GTF2H4: variants seen among roughly 807,000 people sequenced by gnomAD.
The protein encoded by GTF2H4 is general transcription factor IIH subunit 4, also known as BTF2 p52.
In GTF2H4, 49 loss-of-function variants were observed where a neutral mutation model predicts 62.2. That is an observed-to-expected ratio of 0.79 (90% confidence interval 0.63 to 1.00). GTF2H4 has a LOEUF of 1.00. Ranked by LOEUF, GTF2H4 falls within the 50% of genes least tolerant of loss-of-function variation. The pLI is 0.00. For missense variants in GTF2H4, 479 were observed against 587.8 expected (o/e 0.81, Z 1.91); for synonymous variants, 189 against 233.8 (o/e 0.81, Z 1.75).
In GTF2H4 at chr6:30,909,885, CT is replaced by C; in HGVS notation, c.243-42del. 6.4e-7 allele frequency: 1 copy of C among 1,573,976 alleles called. No homozygotes were observed. The highest frequency in any genetic ancestry group is 8.6e-7 in the Non-Finnish European group (1 of 1,161,652). ...AGAGATGGTGGCTTTTATGGGCCTC[CT>C]TTTTGTTTTCCAAATACCCTACTCA... On this transcript the variant is annotated intron_variant, in intron 3 of 13. Coordinates refer to ENST00000259895, the MANE Select transcript of GTF2H4 (RefSeq NM_001517.5). This position sits in a 1 kb window ranked among gnomAD's most constrained non-coding sequence, Gnocchi z 4.3.
In GTF2H4 at chr6:30,911,963, T is replaced by G. The variant is rs768454738; in HGVS notation, c.826-51T>G. 4.9e-5 allele frequency: 79 copies of G among 1,601,534 alleles called. 1 individual carries two copies. In the South Asian group the frequency reaches 8.0e-4, roughly 16 times the overall value. The stretch of plus-strand genomic sequence containing the variant: ...GGATCTGATATTTCAGGCAGGAAGA[T>G]GTAAGGCAGTGACTTCTGAGACAAG... On this transcript the variant is annotated intron_variant, in intron 9 of 13. Transcript: ENST00000259895. This position sits in a 1 kb window ranked among gnomAD's most constrained non-coding sequence, Gnocchi z 4.3.
Position 30,914,020 on chromosome 6 carries a change from A to ACTGGG in GTF2H4, c.*39_*43dup. On this transcript the variant is annotated 3_prime_UTR_variant, in exon 14 of 14. Transcript: ENST00000259895. ...TTGGACACGGACCTCGGCGGGCGGG[A>ACTGGG]CTGGGCGGGGCGGGGCATCAGAACT... 6.9e-7 allele frequency: 1 copy of ACTGGG among 1,444,560 alleles called. No individual in the cohort carries two copies. Among genetic ancestry groups the ACTGGG allele is most frequent in the Non-Finnish European group, 9.5e-7 (1 of 1,050,812 alleles). The allele number at this position is 1,444,560 out of a possible 1,614,324, so 89.5% of individuals were successfully genotyped here. A position where few individuals can be genotyped will look rare whatever the true frequency, so the allele number is the denominator to read the frequency against.
chr6:30,911,760 A>C lies in GTF2H4; in HGVS notation c.818A>C (p.Gln273Pro), dbSNP rs1191931841. The change falls in exon 9 of 14, where the codon CAG (glutamine) becomes CCG (proline). Residue 273 changes from glutamine to proline, a missense_variant. By Grantham distance (76) the Gln-to-Pro change is moderately conservative. Transcript: ENST00000259895. The surrounding 1 kb of genome is among the most constrained non-coding windows in gnomAD (Gnocchi z 4.3). ...QHLREFGLVF[Q>P]RKRKSRRYYP... ...CTGCGTGAGTTTGGGCTTGTTTTCCAGAGGAAGGTATGAGCGCCTAGATAA... is the reference window on the plus strand; with the variant it reads ...CTGCGTGAGTTTGGGCTTGTTTTCCCGAGGAAGGTATGAGCGCCTAGATAA... The C allele has an allele frequency of 6.2e-7, 1 of 1,612,534 alleles. No individual in the cohort carries two copies. Among genetic ancestry groups the C allele is most frequent in the Non-Finnish European group, 8.5e-7 (1 of 1,179,552 alleles).
chr6:30,912,281 C>A lies in GTF2H4; in HGVS notation c.959-47C>A. The A allele has an allele frequency of 6.2e-7, 1 of 1,609,374 alleles. No individual in the cohort carries two copies. The highest frequency in any genetic ancestry group is 1.1e-5 in the South Asian group (1 of 90,734). On this transcript the variant is annotated intron_variant, in intron 10 of 13. Transcript: ENST00000259895. The surrounding 1 kb of genome is among the most constrained non-coding windows in gnomAD (Gnocchi z 4.8). ...ACTTGAAAGAAGGGCTTGAGGGAGT[C>A]TGGGTGTGGGGGTGGCCTCCTCATC...
chr6:30,912,066 G>T lies in GTF2H4; in HGVS notation c.878G>T (p.Gly293Val). 1 of 1,613,000 alleles carries T rather than the reference G, an allele frequency of 6.2e-7. No individual in the cohort carries two copies. The highest frequency in any genetic ancestry group is 8.5e-7 in the Non-Finnish European group (1 of 1,180,004). The change falls in exon 10 of 14, where the codon GGT becomes GTT. Residue 293 changes from glycine (G) to valine (V), a missense_variant. Gly to Val is a moderately radical substitution (Grantham distance 109, BLOSUM62 -3). Transcript: ENST00000259895. The surrounding 1 kb of genome is among the most constrained non-coding windows in gnomAD (Gnocchi z 4.8). ...CGCCTGGCCATCAATCTCTCATCAG[G>T]TGTCTCTGGAGCTGGGGGCACTGTG... ...PTRLAINLSS[G>V]VSGAGGTVHQ...
At chr6:30,908,643 C>G (rs1380093716) in intron 1 of GTF2H4, among the ~76,000 whole-genome samples, 2 of 152,062 alleles carry the variant, frequency 1.3e-5, no homozygotes, top group Non-Finnish European at 2.9e-5. Context: ...ATAGGAAGGA[C>G]GGGCAGATTT....
chr6:30,913,346 G>A lies in GTF2H4; in HGVS notation c.1175G>A (p.Arg392Gln). 1.9e-6 allele frequency: 3 copies of A among 1,613,302 alleles called. No individual in the cohort carries two copies. Among genetic ancestry groups the A allele is most frequent in the Non-Finnish European group, 8.5e-7 (1 of 1,180,024 alleles). The change falls in exon 13 of 14, where the codon CGG becomes CAG. Residue 392 changes from arginine to glutamine, a missense_variant. Physicochemically the swap from Arg to Gln is conservative, Grantham distance 43 (BLOSUM62 1). Transcript: ENST00000259895. The surrounding 1 kb of genome is among the most constrained non-coding windows in gnomAD (Gnocchi z 4.2). The stretch of plus-strand genomic sequence containing the variant: ...CCCCCCACCATCACCGACCAGATCC[G>A]GCTCTGGGAGCTGGAAAGGGACAGA... Reference protein sequence around the residue: ...VLPPTITDQIRLWELERDRLR... With the variant: ...VLPPTITDQIQLWELERDRLR...
At position 30,914,027 on chromosome 6, in the gene GTF2H4, G is replaced by A. The variant is rs1227239841; in HGVS notation, c.*44G>A. The A allele has an allele frequency of 5.4e-6, 8 of 1,482,278 alleles. No homozygotes were observed. Among genetic ancestry groups the A allele is most frequent in the Non-Finnish European group, 6.4e-6 (7 of 1,093,638 alleles). 91.8% of individuals were successfully genotyped at this position (1,482,278 alleles called of 1,614,324 possible). A position where few individuals can be genotyped will look rare whatever the true frequency, so the allele number is the denominator to read the frequency against. ...CGGACCTCGGCGGGCGGGACTGGGC[G>A]GGGCGGGGCATCAGAACTCAGGTGT... On this transcript the variant is annotated 3_prime_UTR_variant, in exon 14 of 14. Transcript: ENST00000259895.
chr6:30,912,025 G>A lies in GTF2H4; in HGVS notation c.837G>A (p.Arg279=). 5.6e-6 allele frequency: 9 copies of A among 1,612,874 alleles called. No homozygotes were observed. The highest frequency in any genetic ancestry group is 7.6e-6 in the Non-Finnish European group (9 of 1,179,978). Reference sequence around the variant, plus strand: ...TCTATTCTTTTCAGAGGAAATCTCGGCGTTACTACCCCACACGCCTGGCCA... The same window carrying A: ...TCTATTCTTTTCAGAGGAAATCTCGACGTTACTACCCCACACGCCTGGCCA... ...GLVFQRKRKS[R]RYYPTRLAIN... Residue 279 remains arginine, a synonymous_variant, in exon 10 of 14, where the codon CGG becomes CGA. Transcript: ENST00000259895. This position sits in a 1 kb window ranked among gnomAD's most constrained non-coding sequence, Gnocchi z 4.8.
Position 30,911,364 on chromosome 6 carries a change from T to C in GTF2H4, c.673-67T>C, listed in dbSNP as rs547799746. On this transcript the variant is annotated intron_variant, in intron 7 of 13. Transcript: ENST00000259895. The surrounding 1 kb of genome is among the most constrained non-coding windows in gnomAD (Gnocchi z 4.3). ...CAGACTGTTCCCTGATTTTCTCTTCTCTGTCCCTTTCTTCCCATTGTCTCC... is the reference window on the plus strand; with the variant it reads ...CAGACTGTTCCCTGATTTTCTCTTCCCTGTCCCTTTCTTCCCATTGTCTCC... 1 of 1,537,896 alleles carries C rather than the reference T, an allele frequency of 6.5e-7. No individual in the cohort carries two copies. The highest frequency in any genetic ancestry group is 1.4e-5 in the African/African-American group (1 of 73,464).
rs1398908126 is a variant in GTF2H4 at position 30,911,384 on chromosome 6, G to T, written c.673-47G>T. The T allele has an allele frequency of 1.3e-6, 2 of 1,566,296 alleles. No homozygotes were observed. Among genetic ancestry groups the T allele is most frequent in the East Asian group, 2.2e-5 (1 of 44,648 alleles). ...TCTTCTCTGTCCCTTTCTTCCCATTGTCTCCCTCCCATCCCTCCTCCTTTG... is the reference window on the plus strand; with the variant it reads ...TCTTCTCTGTCCCTTTCTTCCCATTTTCTCCCTCCCATCCCTCCTCCTTTG... On this transcript the variant is annotated intron_variant, in intron 7 of 13. Transcript: ENST00000259895. This position sits in a 1 kb window ranked among gnomAD's most constrained non-coding sequence, Gnocchi z 4.3.
rs146643038 is a variant in GTF2H4, at chr6:30,910,660, C to T, written c.375-5C>T. On this transcript the variant is annotated splice_polypyrimidine_tract_variant and splice_region_variant and intron_variant, in intron 4 of 13. Transcript: ENST00000259895. The surrounding 1 kb of genome is among the most constrained non-coding windows in gnomAD (Gnocchi z 4.7). ...TTCCTTACTCTTGGCCCATCCTGGC[C>T]GTAGGGGGAAGGCCTGGTCTGATGA... 36 of 1,610,938 alleles carry T rather than the reference C, an allele frequency of 2.2e-5. No individual in the cohort carries two copies. Among genetic ancestry groups the T allele is most frequent in the African/African-American group, 1.9e-4 (14 of 74,980 alleles).
chr6:30,908,946 G>A, intron 1 of GTF2H4, 88 bp from the exon 2 acceptor site: 9 of 1,434,836 alleles, frequency 6.3e-6, no homozygotes, highest in Non-Finnish European at 8.8e-6. Context: ...TTATTGTGGG[G>A]ACTGATGGAT....
At position 30,912,380 on chromosome 6, in the gene GTF2H4, G is replaced by A; in HGVS notation, c.1011G>A (p.Arg337=). Residue 337 remains arginine, a synonymous_variant, in exon 11 of 14, where the codon CGG becomes CGA. Coordinates refer to ENST00000259895, the MANE Select transcript of GTF2H4 (RefSeq NM_001517.5). The surrounding 1 kb of genome is among the most constrained non-coding windows in gnomAD (Gnocchi z 4.8). ...CCCTCTTCTCTGAGATGCTCTATCG[G>A]TTCCCCAACATGGTGGTGGCGCAGG... ...LIALFSEMLY[R]FPNMVVAQVT... is the part of the protein sequence containing the mutation. 6.2e-7 allele frequency: 1 copy of A among 1,612,996 alleles called. No individual in the cohort carries two copies. The highest frequency in any genetic ancestry group is 1.3e-5 in the African/African-American group (1 of 75,048).
Position 30,912,317 on chromosome 6 carries a change from C to A in GTF2H4, c.959-11C>A. On this transcript the variant is annotated splice_polypyrimidine_tract_variant and intron_variant, in intron 10 of 13. Coordinates refer to ENST00000259895, the MANE Select transcript of GTF2H4 (RefSeq NM_001517.5). The surrounding 1 kb of genome is among the most constrained non-coding windows in gnomAD (Gnocchi z 4.8). Reference sequence around the variant, plus strand: ...GGTGGCCTCCTCATCCTCTTTCTATCCCTGGCTCAGAGTCGGAGCTGCAGA... The same window carrying A: ...GGTGGCCTCCTCATCCTCTTTCTATACCTGGCTCAGAGTCGGAGCTGCAGA... The A allele has an allele frequency of 6.2e-7, 1 of 1,612,850 alleles. No homozygotes were observed. Among genetic ancestry groups the A allele is most frequent in the African/African-American group, 1.3e-5 (1 of 75,046 alleles).
Position 30,909,180 on chromosome 6 carries a change from A to G in GTF2H4, c.137+7A>G. ...CATGTCTGGCTGTCTTCAGGTGAGA[A>G]GCCCCTTCATGGCAGGGAAATGTAA... is the stretch of plus-strand genomic sequence containing the variant. On this transcript the variant is annotated splice_region_variant and intron_variant, in intron 2 of 13. Coordinates refer to ENST00000259895, the MANE Select transcript of GTF2H4 (RefSeq NM_001517.5). This position sits in a 1 kb window ranked among gnomAD's most constrained non-coding sequence, Gnocchi z 4.3. 1 of 1,611,224 alleles carries G rather than the reference A, an allele frequency of 6.2e-7. No homozygotes were observed. Among genetic ancestry groups the G allele is most frequent in the Non-Finnish European group, 8.5e-7 (1 of 1,178,086 alleles).
chr6:30,911,040 G>A lies in GTF2H4; in HGVS notation c.560+99G>A, dbSNP rs1442887962. Reference sequence around the variant, plus strand: ...TAGTCAAGATCAGAGGACATTAGCTGGAAAAGGCAAGCTGAGTAGAATATA... The same window carrying A: ...TAGTCAAGATCAGAGGACATTAGCTAGAAAAGGCAAGCTGAGTAGAATATA... On this transcript the variant is annotated intron_variant, in intron 6 of 13. Coordinates refer to ENST00000259895, the MANE Select transcript of GTF2H4 (RefSeq NM_001517.5). This position sits in a 1 kb window ranked among gnomAD's most constrained non-coding sequence, Gnocchi z 4.3. 7.4e-7 allele frequency: 1 copy of A among 1,343,770 alleles called. No homozygotes were observed. The highest frequency in any genetic ancestry group is 1.1e-6 in the Non-Finnish European group (1 of 951,724). The allele number at this position is 1,343,770 out of a possible 1,614,324, so 83.2% of individuals were successfully genotyped here.
chr6:30,912,479 T>C lies in GTF2H4; in HGVS notation c.1089+21T>C. 6.2e-7 allele frequency: 1 copy of C among 1,611,008 alleles called. No homozygotes were observed. Among genetic ancestry groups the C allele is most frequent in the South Asian group, 1.1e-5 (1 of 91,024 alleles). On this transcript the variant is annotated intron_variant, in intron 11 of 13. Coordinates refer to ENST00000259895, the MANE Select transcript of GTF2H4 (RefSeq NM_001517.5). This position sits in a 1 kb window ranked among gnomAD's most constrained non-coding sequence, Gnocchi z 4.8. ...AGCAGGTATTCCCACTTGGGAGAGG[T>C]GGAGCAGGAAGACAGGCTGCACTTG...
chr6:30,910,168 C>T lies in GTF2H4; in HGVS notation c.374+105C>T. On this transcript the variant is annotated intron_variant, in intron 4 of 13. Coordinates refer to ENST00000259895, the MANE Select transcript of GTF2H4 (RefSeq NM_001517.5). This position sits in a 1 kb window ranked among gnomAD's most constrained non-coding sequence, Gnocchi z 4.7. ...GAGCTCCTGGGGGCCTCCCCAGAAC[C>T]TTGTGGTCTCCACGTTGGGAACTCC... The T allele has an allele frequency of 7.9e-7, 1 of 1,258,994 alleles. No individual in the cohort carries two copies. The highest frequency in any genetic ancestry group is 1.1e-6 in the Non-Finnish European group (1 of 893,028). The allele number at this position is 1,258,994 out of a possible 1,614,324, so 78.0% of individuals were successfully genotyped here.
Sources: allele counts gnomAD v4.1 joint callset (sites outside exome capture counted in the v4.1 genomes callset), GRCh38; gene constraint gnomAD v4.1.1; non-coding constraint Gnocchi (gnomAD v3.1); transcripts MANE v1.5; gene names NCBI Gene and HGNC (gene_info 2026-07-23, HGNC 2026-07-21).